WDR41: variants seen among roughly 807,000 people sequenced by gnomAD.
WDR41 encodes the protein WD repeat-containing protein 41.
Under a neutral mutation model 69.3 loss-of-function variants are expected in WDR41, and 63 were observed. That is an observed-to-expected ratio of 0.91 (90% CI 0.74 to 1.12). The LOEUF (loss-of-function observed/expected upper bound fraction) is 1.12, where lower values mean the gene tolerates loss of function less well. Ranked by LOEUF, WDR41 falls within the 50% of genes most tolerant of loss-of-function variation. The pLI is 0.00. For synonymous variants in WDR41, 185 were observed against 192.1 expected, an observed-to-expected ratio of 0.96 and a Z score of 0.31; for missense variants, 543 against 534.5, an observed-to-expected ratio of 1.02 and a Z score of -0.16.
chr5:77,580,125 A>G (rs1743910000), intron 1 of WDR41, among the ~76,000 whole-genome samples: 2 of 152,220 alleles, frequency 1.3e-5, no homozygotes, highest in South Asian at 4.1e-4. Context: ...ACGAGTATAA[A>G]TCTGAAGTTT....
At chr5:77,582,660 C>T in intron 1 of WDR41, 1 of 1,601,388 alleles carries the variant, frequency 6.2e-7, no homozygotes, top group Non-Finnish European at 8.5e-7. Flanking sequence ...TCATCAGAAT[C>T]AGAGGTATCA....
intron 1 of WDR41, among the ~76,000 whole-genome samples, chr5:77,509,094 T>C (rs1294268282): frequency 1.3e-5 from 2 of 152,240 alleles, no homozygotes; most frequent in Admixed American, 1.3e-4. Context: ...TGTCCCTCTC[T>C]CTGGGTGAAC....
chr5:77,575,779 A>T (rs1277439185), intron 1 of WDR41, among the ~76,000 whole-genome samples: 1 of 152,132 alleles, frequency 6.6e-6, no homozygotes, highest in Non-Finnish European at 1.5e-5. Flanking sequence ...CAGTAACTTG[A>T]TGAAGACTGA....
intron 1 of WDR41, among the ~76,000 whole-genome samples, chr5:77,529,407 A>T (rs1802492158): frequency 6.6e-6 from 1 of 151,550 alleles, no homozygotes; most frequent in African/African-American, 2.4e-5. Context: ...CACCACGTTC[A>T]TGGATTCAGA....
chr5:77,582,007 T>C (rs1743948118), intron 1 of WDR41, among the ~76,000 whole-genome samples: 1 of 147,396 alleles, frequency 6.8e-6, no homozygotes, highest in Non-Finnish European at 1.5e-5. Flanking sequence ...GAAAGATAAA[T>C]GAAACAATTT....
intron 1 of WDR41, among the ~76,000 whole-genome samples, chr5:77,501,741 A>G (rs1802020489): frequency 6.6e-6 from 1 of 152,162 alleles, no homozygotes; most frequent in Non-Finnish European, 1.5e-5. Context: ...CAAGGCAAAC[A>G]GGGTCTGGAG....
At position 77,582,288 on chromosome 5, in the gene WDR41, A is replaced by C. The variant is rs532460089; in HGVS notation, c.42+38191T>G. 2.0e-5 allele frequency: 26 copies of C among 1,296,704 alleles called. No individual in the cohort carries two copies. In the South Asian group the frequency reaches 3.3e-4, roughly 16 times the overall value. 80.3% of individuals were successfully genotyped at this position (1,296,704 alleles called of 1,614,324 possible). On this transcript the variant is annotated intron_variant, in intron 1 of 5. Coordinates refer to the WDR41 transcript ENST00000509971. ...CACAAATTACCAACTCTGGCTCAGC[A>C]AGAAAGTAGACAATATGCATAGATA...
rs335632 is a variant in WDR41, at chr5:77,432,260, C to T, written c.*875G>A. 0.89 allele frequency: 135,479 copies of T among 152,282 alleles called. 60,633 individuals are homozygous for T. The highest frequency in any genetic ancestry group is 0.99 in the East Asian group (5,152 of 5,188). 9.4% of individuals were successfully genotyped at this position (152,282 alleles called of 1,614,324 possible). A position where few individuals can be genotyped will look rare whatever the true frequency, so the allele number is the denominator to read the frequency against. ...TGTGTAGACTACTTTCTAATATTTT[C>T]ATTTTTTAGCACCAAAAGGAGAAAA... On this transcript the variant is annotated 3_prime_UTR_variant, in exon 13 of 13. Transcript: ENST00000296679.
At chr5:77,448,420 T>C (rs1053335525) in intron 8 of WDR41, among the ~76,000 whole-genome samples, 7 of 152,094 alleles carry the variant, frequency 4.6e-5, no homozygotes, top group African/African-American at 9.7e-5. Context: ...AGTTTTACAA[T>C]AAGATGGCTA....
intron 1 of WDR41, among the ~76,000 whole-genome samples, chr5:77,609,506 C>T (rs978671010): frequency 1.5e-4 from 23 of 152,274 alleles, no homozygotes; most frequent in African/African-American, 4.6e-4. Context: ...CACGAAAATC[C>T]GCTGTTCTGC....
chr5:77,515,496 T>A (rs1292087849), intron 1 of WDR41, among the ~76,000 whole-genome samples: 1 of 152,094 alleles, frequency 6.6e-6, no homozygotes, highest in Non-Finnish European at 1.5e-5. Flanking sequence ...ACATTTTTTT[T>A]ATAAGTAGAA....
chr5:77,573,051 A>G (rs549674033), intron 1 of WDR41, among the ~76,000 whole-genome samples: 1 of 152,200 alleles, frequency 6.6e-6, no homozygotes, highest in African/African-American at 2.4e-5. Context: ...ATTGTACATG[A>G]TGCCACAGAG....
intron 1 of WDR41, among the ~76,000 whole-genome samples, chr5:77,513,453 T>C (rs908776146): frequency 6.6e-6 from 1 of 152,202 alleles, no homozygotes; most frequent in African/African-American, 2.4e-5. Flanking sequence ...ATAGTCTAGA[T>C]ACATTGCCAT....
intron 1 of WDR41, among the ~76,000 whole-genome samples, chr5:77,607,141 A>C (rs965528764): frequency 6.6e-6 from 1 of 152,198 alleles, no homozygotes; most frequent in Non-Finnish European, 1.5e-5. Flanking sequence ...TAAGAGTAAT[A>C]TTATCAAACT....
chr5:77,478,425 A>G (rs1801067349), intron 2 of WDR41, among the ~76,000 whole-genome samples: 1 of 152,242 alleles, frequency 6.6e-6, no homozygotes, highest in Non-Finnish European at 1.5e-5. Flanking sequence ...AAAAATCCTC[A>G]ATAAAATAAT....
intron 4 of WDR41, 83 bp from the exon 5 acceptor site, chr5:77,459,207 A>T: frequency 1.0e-6 from 1 of 995,048 alleles, no homozygotes; most frequent in Non-Finnish European, 1.5e-6. Flanking sequence ...TAAGCCACAA[A>T]TGTTAAGCAG....
intron 6 of WDR41, chr5:77,452,495 A>G (rs1029058555): frequency 1.3e-5 from 2 of 152,216 alleles, no homozygotes; most frequent in African/African-American, 4.8e-5. Context: ...CACATTGACT[A>G]AGATTGTCTT....
At chr5:77,566,117 T>C (rs1043542518) in intron 1 of WDR41, among the ~76,000 whole-genome samples, 3 of 152,118 alleles carry the variant, frequency 2.0e-5, no homozygotes, top group Non-Finnish European at 4.4e-5. Context: ...GTTCTTCCTC[T>C]TGTGAGCTTA....
upstream of WDR41, among the ~76,000 whole-genome samples, chr5:77,492,994 G>A (rs748647235): frequency 6.6e-6 from 1 of 152,136 alleles, no homozygotes; most frequent in Non-Finnish European, 1.5e-5. Context: ...AAGAATAGAA[G>A]GCAGTTCATA....
Sources: allele counts gnomAD v4.1 joint callset (sites outside exome capture counted in the v4.1 genomes callset), GRCh38; gene constraint gnomAD v4.1.1; transcripts MANE v1.5; gene names NCBI Gene and HGNC (gene_info 2026-07-23, HGNC 2026-07-21).